Variants in OTOF observed in about 807,000 individuals in gnomAD.
The protein encoded by OTOF is otoferlin.
Under a neutral mutation model 236.8 loss-of-function variants are expected in OTOF, and 218 were observed. That is an observed-to-expected ratio of 0.92 (90% CI 0.82 to 1.03). The LOEUF is 1.03. Among genes scored for constraint, OTOF ranks in the 50% least tolerant of loss-of-function variants. The pLI is 0.00. For synonymous variants in OTOF, 1,041 were observed against 1,072.5 expected, an observed-to-expected ratio of 0.97 and a Z score of 0.57; for missense variants, 2,590 against 2,694.4, an observed-to-expected ratio of 0.96 and a Z score of 0.86.
At chr2:26,534,320 C>A (rs2148119334) in intron 2 of OTOF, among the ~76,000 whole-genome samples, 1 of 152,302 alleles carries the variant, frequency 6.6e-6, no homozygotes. Context: ...AGAGCCAAAC[C>A]AAACTGGCTA....
intron 8 of OTOF, among the ~76,000 whole-genome samples, chr2:26,498,050 A>G (rs1572452883): frequency 6.6e-6 from 1 of 152,234 alleles, no homozygotes; most frequent in Non-Finnish European, 1.5e-5. Context: ...CATCTACCGA[A>G]GATAAGCCAG....
chr2:26,534,512 A>G (rs1206588254), intron 2 of OTOF, among the ~76,000 whole-genome samples: 2 of 152,034 alleles, frequency 1.3e-5, no homozygotes, highest in African/African-American at 4.8e-5. Flanking sequence ...CTTCCATGGC[A>G]TCCTCCTCCC....
rs1666605305 is a variant in OTOF at position 26,518,991 on chromosome 2, C to T, written c.327+19G>A. 7 of 1,571,720 alleles carry T rather than the reference C, an allele frequency of 4.5e-6. No individual in the cohort carries two copies. The highest frequency in any genetic ancestry group is 5.2e-6 in the Non-Finnish European group (6 of 1,146,468). On this transcript the variant is annotated intron_variant, in intron 4 of 46. Coordinates refer to ENST00000272371, the MANE Select transcript of OTOF (RefSeq NM_194248.3). ...GGCCCCATATGGGAAAGTCCAGGAA[C>T]TCCGTGGGGCATACCCACCTTGATG...
rs199904558 is a variant in OTOF at position 26,473,159 on chromosome 2, G to T, written c.3706C>A (p.Arg1236Ser). The T allele has an allele frequency of 3.7e-6, 6 of 1,612,704 alleles. No individual in the cohort carries two copies. Among genetic ancestry groups the T allele is most frequent in the Non-Finnish European group, 4.2e-6 (5 of 1,179,940 alleles). Residue 1236 changes from arginine (R) to serine (S), a missense_variant, in exon 29 of 47, where the codon CGC (arginine) becomes AGC (serine). Physicochemically the swap from Arg to Ser is moderately radical, Grantham distance 110 (BLOSUM62 -1). Transcript: ENST00000272371. This position sits in a 1 kb window ranked among gnomAD's most constrained non-coding sequence, Gnocchi z 7.2. ...LRRFIYRPPD[R>S]SAPSWNTTVR... Reference sequence around the variant, plus strand: ...GTGGTGTTCCAGCTGGGGGCCGAGCGGTCTGGGGGCCGGTAGATGAAGCGT... The same window carrying T: ...GTGGTGTTCCAGCTGGGGGCCGAGCTGTCTGGGGGCCGGTAGATGAAGCGT...
At chr2:26,508,045 T>C (rs1666293154) in intron 5 of OTOF, among the ~76,000 whole-genome samples, 1 of 152,162 alleles carries the variant, frequency 6.6e-6, no homozygotes, top group African/African-American at 2.4e-5. Flanking sequence ...AATTCAGGTC[T>C]CTGGATTATT....
At chr2:26,527,420 G>A (rs1666834686) in intron 3 of OTOF, among the ~76,000 whole-genome samples, 1 of 152,192 alleles carries the variant, frequency 6.6e-6, no homozygotes, top group South Asian at 2.1e-4. Context: ...ACCCCAAACT[G>A]TCAAGCCTGC....
At chr2:26,557,202 C>T (rs1175984218) in intron 1 of OTOF, among the ~76,000 whole-genome samples, 2 of 152,206 alleles carry the variant, frequency 1.3e-5, no homozygotes, top group Admixed American at 1.3e-4. Context: ...CCAATGGTCT[C>T]TCCCATCCCT....
At position 26,539,727 on chromosome 2, in the gene OTOF, C is replaced by G. The variant is rs146581127; in HGVS notation, c.80-1953G>C. Among the ~76,000 whole-genome samples the G allele has an allele frequency of 8.9e-3, 1,354 of 152,172 alleles. 10 individuals carry two copies. Among genetic ancestry groups the G allele is most frequent in the Middle Eastern group, 0.017 (5 of 294 alleles). ...TCCAGCCTGGGCAACTAGTGAAACT[C>G]CATCTCAAAAAAGTTAAATAAATAA... On this transcript the variant is annotated intron_variant, in intron 1 of 46. Coordinates refer to ENST00000272371, the MANE Select transcript of OTOF (RefSeq NM_194248.3).
intron 39 of OTOF, 100 bp from the exon 40 acceptor site, chr2:26,464,206 T>C (rs1355143322): frequency 7.0e-7 from 1 of 1,419,648 alleles, no homozygotes; most frequent in Admixed American, 1.7e-5. Context: ...CTCTATGCCA[T>C]CACCTGTCTA....
chr2:26,462,029 G>T lies in OTOF; in HGVS notation c.5291+54C>A. On this transcript the variant is annotated intron_variant, in intron 42 of 46. Coordinates refer to ENST00000272371, the MANE Select transcript of OTOF (RefSeq NM_194248.3). The surrounding 1 kb of genome is among the most constrained non-coding windows in gnomAD (Gnocchi z 4.7). ...CCCTCTGCCTCCTCTCCTGCCCCCC[G>T]GGAAGCAAGCCCCACCCAGCTCAGT... 6.2e-7 allele frequency: 1 copy of T among 1,611,454 alleles called. No homozygotes were observed. The highest frequency in any genetic ancestry group is 1.3e-5 in the African/African-American group (1 of 74,886).
At chr2:26,498,813 C>T (rs973538368) in intron 8 of OTOF, among the ~76,000 whole-genome samples, 4 of 152,164 alleles carry the variant, frequency 2.6e-5, no homozygotes, top group East Asian at 1.9e-4. Context: ...AGAGTTGGTG[C>T]GCCCTTTAGT....
At chr2:26,519,811 T>A (rs1366375570) in intron 3 of OTOF, among the ~76,000 whole-genome samples, 3 of 152,230 alleles carry the variant, frequency 2.0e-5, no homozygotes, top group African/African-American at 7.2e-5. Context: ...AGAGTTGTTG[T>A]TGGAGGACTG....
Position 26,460,082 on chromosome 2 carries a change from G to T in OTOF, c.5937C>A (p.Leu1979=), listed in dbSNP as rs371591669. 1 of 1,575,974 alleles carries T rather than the reference G, an allele frequency of 6.3e-7. No homozygotes were observed. The highest frequency in any genetic ancestry group is 8.6e-7 in the Non-Finnish European group (1 of 1,160,078). Residue 1979 remains leucine (L), a synonymous_variant, in exon 46 of 47, where the codon CTC becomes CTA. Coordinates refer to ENST00000272371, the MANE Select transcript of OTOF (RefSeq NM_194248.3). This position sits in a 1 kb window ranked among gnomAD's most constrained non-coding sequence, Gnocchi z 5.3. ...CAGGCACAGAGTAGAGGAACAGGGC[G>T]AGGAGGAGGAGCAGCAGCAGGAGCA... The part of the protein sequence containing the change: ...LLLLLLLLLL[L]ALFLYSVPGY...
chr2:26,468,610 T>A lies in OTOF; in HGVS notation c.4024-136A>T, dbSNP rs1465158704. ...TCCCTACTGCATTTCAAGTCCACCATGTGCTCTGCTTAAGTGGGTTAAAAA... is the reference window on the plus strand; with the variant it reads ...TCCCTACTGCATTTCAAGTCCACCAAGTGCTCTGCTTAAGTGGGTTAAAAA... On this transcript the variant is annotated intron_variant, in intron 32 of 46. Coordinates refer to ENST00000272371, the MANE Select transcript of OTOF (RefSeq NM_194248.3). 3.9e-6 allele frequency: 3 copies of A among 763,622 alleles called. No individual in the cohort carries two copies. In the African/African-American group the frequency reaches 5.1e-5, roughly 13 times the overall value. 47.3% of individuals were successfully genotyped at this position (763,622 alleles called of 1,614,324 possible).
intron 1 of OTOF, among the ~76,000 whole-genome samples, chr2:26,543,668 G>A (rs1369529310): frequency 1.3e-5 from 2 of 152,206 alleles, no homozygotes; most frequent in Non-Finnish European, 2.9e-5. Context: ...ATAAGAAACA[G>A]CTATTCTCAG....
Position 26,472,549 on chromosome 2 carries a change from C to G in OTOF, c.3834G>C (p.Lys1278Asn). The G allele has an allele frequency of 6.2e-7, 1 of 1,613,602 alleles. No individual in the cohort carries two copies. Among genetic ancestry groups the G allele is most frequent in the South Asian group, 1.1e-5 (1 of 91,092 alleles). The change falls in exon 30 of 47, where the codon AAG (lysine) becomes AAC (asparagine). Residue 1278 changes from lysine to asparagine, a missense_variant. By Grantham distance (94) the Lys-to-Asn change is moderately conservative. This residue lies in a region of OTOF where 1,211 missense variants were observed against 1,352.8 expected (regional missense o/e 0.90). Transcript: ENST00000272371. ...CCAGCTTCACCATGGTCTCCAGTTT[C>G]TTGATGGGTACCTCTGGCTCCATAG... ...VVTMEPEVPI[K>N]KLETMVKLDA...
In OTOF at chr2:26,473,136, G is replaced by A; in HGVS notation, c.3729C>T (p.Thr1243=). 1 of 1,611,982 alleles carries A rather than the reference G, an allele frequency of 6.2e-7. No homozygotes were observed. The highest frequency in any genetic ancestry group is 1.8e-4 in the Middle Eastern group (1 of 5,692). The change falls in exon 29 of 47, where the codon ACC becomes ACT. Residue 1243 remains threonine (T), a synonymous_variant. Transcript: ENST00000272371. This position sits in a 1 kb window ranked among gnomAD's most constrained non-coding sequence, Gnocchi z 7.2. ...GCAGGGTGGATGTGGCCATACCCGTGGTGTTCCAGCTGGGGGCCGAGCGGT... is the reference window on the plus strand; with the variant it reads ...GCAGGGTGGATGTGGCCATACCCGTAGTGTTCCAGCTGGGGGCCGAGCGGT... ...PPDRSAPSWN[T]TVRLLRRCRV...
At position 26,460,749 on chromosome 2, in the gene OTOF, T is replaced by G; in HGVS notation, c.5713-2A>C. 3 of 1,613,946 alleles carry G rather than the reference T, an allele frequency of 1.9e-6. No individual in the cohort carries two copies. The highest frequency in any genetic ancestry group is 2.5e-6 in the Non-Finnish European group (3 of 1,179,914). On this transcript the variant is annotated splice_acceptor_variant, in intron 44 of 46. Transcript: ENST00000272371. LOFTEE classifies it high-confidence loss of function. This position sits in a 1 kb window ranked among gnomAD's most constrained non-coding sequence, Gnocchi z 5.3. ...ATGCAGCTCAGCCTCCACCTTGCCCTGCAGAGGACAGACAGGTCCCAGCGT... is the reference window on the plus strand; with the variant it reads ...ATGCAGCTCAGCCTCCACCTTGCCCGGCAGAGGACAGACAGGTCCCAGCGT...
Position 26,463,562 on chromosome 2 carries a change from C to G in OTOF, c.5113G>C (p.Glu1705Gln), listed in dbSNP as rs1664586601. Residue 1705 changes from glutamate (E) to glutamine (Q), a missense_variant, in exon 41 of 47, where the codon GAG becomes CAG. This residue lies in a region of OTOF where 1,211 missense variants were observed against 1,352.8 expected (regional missense o/e 0.90). Transcript: ENST00000272371. The stretch of plus-strand genomic sequence containing the variant: ...ATGGGGAACATGTCCACCCACAGCT[C>G]CAGGCGGCCCTGAGGAAGAGGGTTG... ...DKPGIEQGRL[E>Q]LWVDMFPMDM... The G allele has an allele frequency of 3.1e-6, 5 of 1,603,366 alleles. No homozygotes were observed. Among genetic ancestry groups the G allele is most frequent in the Admixed American group, 1.7e-5 (1 of 58,638 alleles).
Sources: gnomAD v4.1 joint callset for allele counts (sites outside exome capture counted in the v4.1 genomes callset) on GRCh38, gnomAD v4.1.1 for gene constraint, gnomAD v4.1.1 regional missense constraint, Gnocchi (gnomAD v3.1) non-coding constraint, MANE v1.5 for transcripts, NCBI Gene and HGNC (gene_info 2026-07-23, HGNC 2026-07-21) for gene names.